The following SLC7A8 variants were observed in gnomAD, a reference collection of about 807,000 sequenced individuals.
The protein encoded by SLC7A8 is solute carrier family 7 member 8.
A neutral mutation model predicts 51.2 loss-of-function variants in SLC7A8; 30 were observed. That is an observed-to-expected ratio of 0.59 (90% CI 0.44 to 0.80). The LOEUF is 0.80. SLC7A8 is among the 30% of genes least tolerant of loss of function. SLC7A8 has a pLI of 0.00. For synonymous variants in SLC7A8, 257 were observed against 275.8 expected (o/e 0.93, Z 0.67); for missense variants, 612 against 674.4 (o/e 0.91, Z 1.03).
chr14:23,127,082 G>T lies in SLC7A8; in HGVS notation c.*95C>A. ...CCACTGCCTGACAAAAGCAGAGAGAGGGGTGTGTGTGTACTCGCATGTGTT... is the reference window on the plus strand; with the variant it reads ...CCACTGCCTGACAAAAGCAGAGAGATGGGTGTGTGTGTACTCGCATGTGTT... On this transcript the variant is annotated 3_prime_UTR_variant, in exon 11 of 11. Transcript: ENST00000316902. 7.0e-7 allele frequency: 1 copy of T among 1,438,016 alleles called. No homozygotes were observed. Among genetic ancestry groups the T allele is most frequent in the Admixed American group, 1.8e-5 (1 of 56,228 alleles). 89.1% of individuals were successfully genotyped at this position (1,438,016 alleles called of 1,614,324 possible). A position where few individuals can be genotyped will look rare whatever the true frequency, so the allele number is the denominator to read the frequency against.
rs1359638637 is a variant in SLC7A8 at position 23,128,888 on chromosome 14, C to T, written c.1264-692G>A. ...TTCTAAGTGTGAGAGTAGAAAATGG[C>T]GGTGGAAATGCCAGTGAGGAACTGA... On this transcript the variant is annotated intron_variant, in intron 9 of 10. Coordinates refer to ENST00000316902, the MANE Select transcript of SLC7A8 (RefSeq NM_012244.4). The surrounding 1 kb of genome is among the most constrained non-coding windows in gnomAD (Gnocchi z 4.3). Among the ~76,000 whole-genome samples, 1 of 152,102 alleles carries T rather than the reference C, an allele frequency of 6.6e-6. No individual in the cohort carries two copies. The highest frequency in any genetic ancestry group is 2.4e-5 in the African/African-American group (1 of 41,396).
intron 1 of SLC7A8, among the ~76,000 whole-genome samples, chr14:23,173,178 T>C (rs1312863766): frequency 6.6e-6 from 1 of 152,172 alleles, no homozygotes; most frequent in Non-Finnish European, 1.5e-5. Flanking sequence ...GTGCCTGGTT[T>C]CAAGGAACTG....
intron 3 of SLC7A8, among the ~76,000 whole-genome samples, chr14:23,157,505 C>G (rs1000017678): frequency 1.4e-4 from 22 of 152,192 alleles, no homozygotes; most frequent in Non-Finnish European, 8.8e-5. Context: ...AGGGAAAGCC[C>G]AATCTCTTTA....
In SLC7A8 at chr14:23,127,198, C is replaced by A; in HGVS notation, c.1587G>T (p.Val529=). The A allele has an allele frequency of 6.2e-7, 1 of 1,614,100 alleles. No homozygotes were observed. The highest frequency in any genetic ancestry group is 2.2e-5 in the East Asian group (1 of 44,890). The change falls in exon 11 of 11, where the codon GTG becomes GTT. Residue 529 remains valine (V), a synonymous_variant. Coordinates refer to ENST00000316902, the MANE Select transcript of SLC7A8 (RefSeq NM_012244.4). The part of the protein sequence containing the change: ...YQPTPTKDKD[V]AGQPQP ...GTCCTCAGGGCTGGGGCTGCCCCGC[C>A]ACGTCCTTGTCCTTCGTGGGAGTGG...
chr14:23,176,925 G>A (rs1057330223), intron 1 of SLC7A8, among the ~76,000 whole-genome samples: 2 of 130,716 alleles, frequency 1.5e-5, no homozygotes, highest in African/African-American at 6.3e-5. Context: ...CTGGGCGACA[G>A]AGCAAGACTC....
chr14:23,140,347 T>C (rs1169703212), intron 5 of SLC7A8, 124 bp downstream of exon 5: 2 of 1,080,096 alleles, frequency 1.9e-6, no homozygotes, highest in East Asian at 4.8e-5. Flanking sequence ...TCAGGATAGA[T>C]CAAATCACAG....
At chr14:23,147,231 A>C (rs542292532) in intron 3 of SLC7A8, among the ~76,000 whole-genome samples, 3 of 150,596 alleles carry the variant, frequency 2.0e-5, no homozygotes, top group Non-Finnish European at 4.5e-5. Flanking sequence ...CCATCCATCC[A>C]TCTGTCTATC....
chr14:23,136,877 C>A (rs532375392), intron 7 of SLC7A8, among the ~76,000 whole-genome samples: 2 of 152,350 alleles, frequency 1.3e-5, no homozygotes, highest in South Asian at 4.1e-4. Flanking sequence ...GTAACATGCA[C>A]ACGAGGTTGC....
Position 23,165,186 on chromosome 14 carries a change from C to G in SLC7A8, c.508+99G>C, listed in dbSNP as rs139138985. ...TGAGCTATGATCATGCGGCTGCGCT[C>G]CAGCCTGAGTGACAGAGTGAAGACT... On this transcript the variant is annotated intron_variant, in intron 3 of 10. Transcript: ENST00000316902. The surrounding 1 kb of genome is among the most constrained non-coding windows in gnomAD (Gnocchi z 4.2). 5.1e-4 allele frequency: 645 copies of G among 1,261,324 alleles called. No homozygotes were observed. The highest frequency in any genetic ancestry group is 6.3e-4 in the Non-Finnish European group (596 of 952,144). The allele number at this position is 1,261,324 out of a possible 1,614,324, so 78.1% of individuals were successfully genotyped here.
chr14:23,165,378 C>G lies in SLC7A8; in HGVS notation c.415G>C (p.Ala139Pro). 4 of 1,602,596 alleles carry G rather than the reference C, an allele frequency of 2.5e-6. No individual in the cohort carries two copies. Among genetic ancestry groups the G allele is most frequent in the Non-Finnish European group, 3.4e-6 (4 of 1,175,938 alleles). ...AGCACGTAGTTGGAGAAGGTGAGGGCGATGACAGCCTGGTTGGTGGGGTAG... is the reference window on the plus strand; with the variant it reads ...AGCACGTAGTTGGAGAAGGTGAGGGGGATGACAGCCTGGTTGGTGGGGTAG... ...VIYPTNQAVI[A>P]LTFSNYVLQP... Residue 139 changes from alanine to proline, a missense_variant, in exon 3 of 11, where the codon GCC becomes CCC. Ala to Pro is a conservative substitution (Grantham distance 27). Transcript: ENST00000316902. This position sits in a 1 kb window ranked among gnomAD's most constrained non-coding sequence, Gnocchi z 4.2.
chr14:23,133,274 C>T (rs2048657222), intron 7 of SLC7A8, among the ~76,000 whole-genome samples: 1 of 151,682 alleles, frequency 6.6e-6, no homozygotes, highest in African/African-American at 2.4e-5. Context: ...CTTGTCTCTA[C>T]AAAAAATAAA....
chr14:23,178,885 C>CAA (rs386380884), intron 1 of SLC7A8, among the ~76,000 whole-genome samples: 11,422 of 78,268 alleles, frequency 0.15, 965 homozygotes, highest in East Asian at 0.42. Flanking sequence ...ATCTTGTCTC[C>CAA]AAAAAAAAAA....
intron 3 of SLC7A8, chr14:23,147,078 T>TATCCATCCATGCATCC (rs1555304290): frequency 6.7e-6 from 1 of 148,328 alleles, no homozygotes; most frequent in East Asian, 2.0e-4. Flanking sequence ...AGGGGCTTTT[T>TATCCATCCATGCATCC]ATCCATCCAT....
intron 8 of SLC7A8, among the ~76,000 whole-genome samples, chr14:23,130,708 G>A (rs1316183764): frequency 2.0e-5 from 3 of 152,200 alleles, no homozygotes; most frequent in Non-Finnish European, 4.4e-5. Context: ...TTCTGAAATT[G>A]TACAGCAATG....
At position 23,129,688 on chromosome 14, in the gene SLC7A8, G is replaced by C. The variant is rs1193374725; in HGVS notation, c.1225C>G (p.Leu409Val). 1.2e-6 allele frequency: 2 copies of C among 1,614,220 alleles called. No individual in the cohort carries two copies. The highest frequency in any genetic ancestry group is 2.2e-5 in the South Asian group (2 of 91,086). ...YGVTVAGQIV[L>V]RWKKPDIPRP... ...GGGATATCAGGCTTCTTCCAGCGAA[G>C]GACTATCTGTCCAGCAACCGTGACC... is the stretch of plus-strand genomic sequence containing the variant. The change falls in exon 9 of 11, where the codon CTT (leucine) becomes GTT (valine). Residue 409 changes from leucine to valine, a missense_variant. Transcript: ENST00000316902.
chr14:23,132,305 A>C (rs1371480060), intron 7 of SLC7A8, among the ~76,000 whole-genome samples: 2 of 151,974 alleles, frequency 1.3e-5, no homozygotes, highest in Non-Finnish European at 2.9e-5. Context: ...CCTGGCCTAA[A>C]AACACTCTTG....
intron 3 of SLC7A8, among the ~76,000 whole-genome samples, chr14:23,150,534 C>T (rs2048837490): frequency 2.0e-5 from 3 of 152,196 alleles, no homozygotes; most frequent in Admixed American, 6.5e-5. Flanking sequence ...AGCTTAGTCA[C>T]GTACTCTCAG....
At chr14:23,131,229 T>C (rs1429891612) in intron 8 of SLC7A8, among the ~76,000 whole-genome samples, 1 of 152,148 alleles carries the variant, frequency 6.6e-6, no homozygotes, top group Non-Finnish European at 1.5e-5. Context: ...AGAACGGAAA[T>C]AAGTCAGCCT....
chr14:23,167,832 G>A (rs893483703), intron 1 of SLC7A8, among the ~76,000 whole-genome samples: 1 of 152,118 alleles, frequency 6.6e-6, no homozygotes, highest in African/African-American at 2.4e-5. Flanking sequence ...AAGCCTCCGT[G>A]ATCTCTCTGT....
Sources: gnomAD v4.1 joint callset for allele counts (sites outside exome capture counted in the v4.1 genomes callset) on GRCh38, gnomAD v4.1.1 for gene constraint, Gnocchi (gnomAD v3.1) non-coding constraint, MANE v1.5 for transcripts, NCBI Gene and HGNC (gene_info 2026-07-23, HGNC 2026-07-21) for gene names.